ANKRD11: variants seen among roughly 807,000 people sequenced by gnomAD.
The protein encoded by ANKRD11 is ankyrin repeat domain 11, also known as ankyrin repeat domain-containing protein 11.
In ANKRD11, 17 loss-of-function variants were observed where a neutral mutation model predicts 195.7. The observed-to-expected ratio is 0.09, with a 90% CI of 0.06 to 0.13. ANKRD11 has a LOEUF of 0.13. Among genes scored for constraint, ANKRD11 ranks in the 10% least tolerant of loss-of-function variants. ANKRD11 has a pLI of 1.00. For synonymous variants in ANKRD11, 1,953 were observed against 1,528.1 expected (o/e 1.28, Z -6.49); for missense variants, 3,735 against 3,566.1 (o/e 1.05, Z -1.21).
chr16:89,302,497 C>T (rs1004453145), intron 4 of ANKRD11, among the ~76,000 whole-genome samples: 2 of 152,124 alleles, frequency 1.3e-5, no homozygotes, highest in South Asian at 2.1e-4. Context: ...GTGATCTGCC[C>T]GCCTCGGCCT....
chr16:89,304,589 TACAC>T (rs201682825), intron 4 of ANKRD11, among the ~76,000 whole-genome samples: 16 of 129,014 alleles, frequency 1.2e-4, no homozygotes, highest in South Asian at 5.0e-4. Context: ...TACAAGTACA[TACAC>T]ACACGGGCAC....
chr16:89,382,754 A>G (rs1567726576), intron 2 of ANKRD11, among the ~76,000 whole-genome samples: 1 of 152,228 alleles, frequency 6.6e-6, no homozygotes, highest in Non-Finnish European at 1.5e-5. Context: ...TGCTGAGATT[A>G]TAGGTGTGAG....
intron 9 of ANKRD11, 94 bp downstream of exon 9, chr16:89,278,978 A>AG: frequency 6.5e-7 from 1 of 1,548,498 alleles, no homozygotes; most frequent in Non-Finnish European, 8.8e-7. Context: ...AAGGGCCATG[A>AG]GTGGGACAAG....
chr16:89,281,343 C>T lies in ANKRD11; in HGVS notation c.5199G>A (p.Ala1733=), dbSNP rs1434405119. 12 of 1,612,348 alleles carry T rather than the reference C, an allele frequency of 7.4e-6. No individual in the cohort carries two copies. The highest frequency in any genetic ancestry group is 8.5e-6 in the Non-Finnish European group (10 of 1,178,662). The part of the protein sequence containing the change: ...RTPSCSADDY[A]DLVFDCADSQ... Reference sequence around the variant, plus strand: ...AGTCGGCGCAGTCGAACACGAGGTCCGCGTAGTCATCGGCGCTGCAGGACG... The same window carrying T: ...AGTCGGCGCAGTCGAACACGAGGTCTGCGTAGTCATCGGCGCTGCAGGACG... Residue 1733 remains alanine, a synonymous_variant, in exon 9 of 13, where the codon GCG becomes GCA. Coordinates refer to ENST00000301030, the MANE Select transcript of ANKRD11 (RefSeq NM_013275.6). This position sits in a 1 kb window ranked among gnomAD's most constrained non-coding sequence, Gnocchi z 5.5.
intron 1 of ANKRD11, among the ~76,000 whole-genome samples, chr16:89,438,114 G>A (rs888657204): frequency 6.6e-6 from 1 of 152,234 alleles, no homozygotes; most frequent in African/African-American, 2.4e-5. Flanking sequence ...ACACAGCAGG[G>A]GCACTGGAGA....
intron 7 of ANKRD11, chr16:89,286,531 C>G (rs904273409): frequency 8.5e-6 from 5 of 588,570 alleles, no homozygotes; most frequent in African/African-American, 7.8e-5. Context: ...GAAGGCTCTC[C>G]CCTCCCGCCA....
At chr16:89,335,539 C>T (rs1259847990) in intron 2 of ANKRD11, among the ~76,000 whole-genome samples, 2 of 152,218 alleles carry the variant, frequency 1.3e-5, no homozygotes, top group African/African-American at 4.8e-5. Flanking sequence ...CCCATGAAAG[C>T]CTGTGCGTGC....
chr16:89,481,551 T>C (rs1314030833), intron 1 of ANKRD11, among the ~76,000 whole-genome samples: 1 of 152,180 alleles, frequency 6.6e-6, no homozygotes, highest in Non-Finnish European at 1.5e-5. Context: ...AGCAAGACCT[T>C]GTCTCAAAAA....
intron 1 of ANKRD11, among the ~76,000 whole-genome samples, chr16:89,457,635 T>C (rs1233992675): frequency 6.7e-6 from 1 of 149,168 alleles, no homozygotes; most frequent in Admixed American, 6.7e-5. Flanking sequence ...AATTCTAAAA[T>C]AAGCAAAACT....
chr16:89,337,007 CAAAAAAAAAAAAAAAAA>C (rs60248736), intron 2 of ANKRD11, among the ~76,000 whole-genome samples: 1 of 47,730 alleles, frequency 2.1e-5, no homozygotes, highest in African/African-American at 8.0e-5. Flanking sequence ...CTGGCTCTAC[CAAAAAAAAAAAAAAAAA>C]AAAAAAAAAA....
At chr16:89,371,055 G>C (rs565885246) in intron 2 of ANKRD11, among the ~76,000 whole-genome samples, 1 of 152,186 alleles carries the variant, frequency 6.6e-6, no homozygotes. Context: ...TCATGACGAA[G>C]GGGACTTGTT....
intron 9 of ANKRD11, chr16:89,278,186 G>A: frequency 6.5e-6 from 2 of 308,952 alleles, no homozygotes; most frequent in Non-Finnish European, 1.3e-5. Context: ...GATGGACCCT[G>A]GGGGGCCTGA....
At chr16:89,289,301 C>A (rs929193711) in intron 6 of ANKRD11, among the ~76,000 whole-genome samples, 1 of 152,018 alleles carries the variant, frequency 6.6e-6, no homozygotes, top group Non-Finnish European at 1.5e-5. Flanking sequence ...AAAAAAGGTG[C>A]TAAATTAGGT....
Position 89,280,810 on chromosome 16 carries a change from A to G in ANKRD11, c.5732T>C (p.Leu1911Pro), listed in dbSNP as rs147009716. Reference sequence around the variant, plus strand: ...CGCCTGCTGGTCCTCGGAGGTGTCCAGGTCCGGGGGAAGGGCCCCTTCGAG... The same window carrying G: ...CGCCTGCTGGTCCTCGGAGGTGTCCGGGTCCGGGGGAAGGGCCCCTTCGAG... ...PSLEGALPPD[L>P]DTSEDQQATA... The change falls in exon 9 of 13, where the codon CTG becomes CCG. Residue 1911 changes from leucine (L) to proline (P), a missense_variant. Physicochemically the swap from Leu to Pro is moderately conservative, Grantham distance 98 (BLOSUM62 -3). Transcript: ENST00000301030. 1 of 1,605,476 alleles carries G rather than the reference A, an allele frequency of 6.2e-7. No homozygotes were observed.
At chr16:89,373,089 C>G (rs888282594) in intron 2 of ANKRD11, 7 of 152,208 alleles carry the variant, frequency 4.6e-5, no homozygotes, top group Non-Finnish European at 8.8e-5. Flanking sequence ...ACTCTTCTCC[C>G]GCTGCATATC....
Position 89,276,565 on chromosome 16 carries a change from C to T in ANKRD11, c.7471-1374G>A, listed in dbSNP as rs1037039425. On this transcript the variant is annotated intron_variant, in intron 9 of 12. Transcript: ENST00000301030. ...AGGCCAGGCCTGGGGCCTCTGACCA[C>T]ACTGCTGACCGACACTGCCCAGAAG... is the stretch of plus-strand genomic sequence containing the variant. Among the ~76,000 whole-genome samples, 3 of 152,186 alleles carry T rather than the reference C, an allele frequency of 2.0e-5. No individual in the cohort carries two copies. In the East Asian group the frequency reaches 5.8e-4, roughly 29 times the overall value.
chr16:89,379,261 C>T (rs991423350), intron 2 of ANKRD11, among the ~76,000 whole-genome samples: 2 of 152,228 alleles, frequency 1.3e-5, no homozygotes, highest in Non-Finnish European at 1.5e-5. Flanking sequence ...TTAATCCTAT[C>T]TTGAAAACTT....
At chr16:89,462,768 A>C (rs1482357886) in intron 1 of ANKRD11, among the ~76,000 whole-genome samples, 2 of 141,008 alleles carry the variant, frequency 1.4e-5, no homozygotes, top group African/African-American at 2.7e-5. Flanking sequence ...ACCCCGTCTG[A>C]CAAGTGAGAA....
intron 3 of ANKRD11, among the ~76,000 whole-genome samples, chr16:89,307,846 G>A (rs1234111706): frequency 6.6e-6 from 1 of 152,262 alleles, no homozygotes; most frequent in Non-Finnish European, 1.5e-5. Flanking sequence ...GGCCCAGGGG[G>A]TGGGTTCCAC....
Sources: gnomAD v4.1 joint callset for allele counts (sites outside exome capture counted in the v4.1 genomes callset) on GRCh38, gnomAD v4.1.1 for gene constraint, Gnocchi (gnomAD v3.1) non-coding constraint, MANE v1.5 for transcripts, NCBI Gene and HGNC (gene_info 2026-07-23, HGNC 2026-07-21) for gene names.